The following COL4A2 variants were observed in gnomAD, a reference collection of about 807,000 sequenced individuals.
COL4A2 encodes the protein collagen alpha-2(IV) chain.
A neutral mutation model predicts 200.2 loss-of-function variants in COL4A2; 99 were observed. That is an observed-to-expected ratio of 0.49 (90% CI 0.42 to 0.58). The LOEUF (loss-of-function observed/expected upper bound fraction) is 0.58, where lower values mean the gene tolerates loss of function less well. Among genes scored for constraint, COL4A2 ranks in the 20% least tolerant of loss-of-function variants. The pLI is 0.00. For missense variants in COL4A2, 1,950 were observed against 2,314.1 expected (o/e 0.84, Z 3.23); for synonymous variants, 897 against 900.6 (o/e 1.00, Z 0.07).
chr13:110,466,019 GA>G lies in COL4A2; in HGVS notation c.1999del (p.Arg667GlyfsTer16). 6.2e-7 allele frequency: 1 copy of G among 1,613,882 alleles called. No individual in the cohort carries two copies. The highest frequency in any genetic ancestry group is 8.5e-7 in the Non-Finnish European group (1 of 1,179,800). Reference protein sequence around the residue: ...PGQIDCDTDVKRAVGGDRQEA... With the variant: ...PGQIDCDTDVXRAVGGDRQEA... ...TCCCCCCAGATTGTGACACAGATGT[GA>G]AAAGGGCCGTTGGAGGTGACAGACA... is the stretch of plus-strand genomic sequence containing the variant. On this transcript the variant is annotated frameshift_variant, in exon 26 of 48. Coordinates refer to ENST00000360467, the MANE Select transcript of COL4A2 (RefSeq NM_001846.4). LOFTEE classifies it high-confidence loss of function.
At chr13:110,449,038 C>T (rs888406694) in intron 18 of COL4A2, among the ~76,000 whole-genome samples, 2 of 137,816 alleles carry the variant, frequency 1.5e-5, no homozygotes, top group Non-Finnish European at 3.2e-5. Context: ...CGTGGGACTT[C>T]AGTGTGACGC....
chr13:110,374,533 C>A (rs184591226), intron 4 of COL4A2, among the ~76,000 whole-genome samples: 1 of 152,194 alleles, frequency 6.6e-6, no homozygotes, highest in African/African-American at 2.4e-5. Flanking sequence ...AATTAAATAT[C>A]CATCCTTTTC....
intron 20 of COL4A2, chr13:110,456,754 G>A: frequency 2.1e-6 from 1 of 474,950 alleles, no homozygotes; most frequent in Non-Finnish European, 4.4e-6. Flanking sequence ...GGGACCCTGG[G>A]CATCCTTGAT....
chr13:110,462,310 C>T lies in COL4A2; in HGVS notation c.1702C>T (p.Pro568Ser). Residue 568 changes from proline to serine, a missense_variant, in exon 24 of 48, where the codon CCC becomes TCC. Around this residue, in one of 2 missense-constraint regions of COL4A2, gnomAD observed 1,385 missense variants for 1,720.5 expected, o/e 0.80. Coordinates refer to ENST00000360467, the MANE Select transcript of COL4A2 (RefSeq NM_001846.4). ...GGGACAGCCCGGCGTCCCAGGTGTG[C>T]CCGGGATGAAAGGTGACGATGGCAG... ...ERGQPGVPGVPGMKGDDGSPG... is the reference protein window; with the variant it reads ...ERGQPGVPGVSGMKGDDGSPG... 1 of 1,614,220 alleles carries T rather than the reference C, an allele frequency of 6.2e-7. No homozygotes were observed. The highest frequency in any genetic ancestry group is 8.5e-7 in the Non-Finnish European group (1 of 1,180,050).
At chr13:110,489,592 G>T in intron 35 of COL4A2, 84 bp downstream of exon 35, 2 of 1,585,428 alleles carry the variant, frequency 1.3e-6, no homozygotes, top group Non-Finnish European at 1.7e-6. Flanking sequence ...ACCTGCAAGT[G>T]CTGTTAGGTA....
intron 20 of COL4A2, 65 bp from the exon 21 acceptor site, chr13:110,457,278 T>C: frequency 1.3e-6 from 1 of 793,102 alleles, no homozygotes; most frequent in Non-Finnish European, 2.2e-6. Flanking sequence ...GCTGATGCCC[T>C]GCGTCTGCGT....
chr13:110,507,101 A>G (rs1219722221), intron 46 of COL4A2, among the ~76,000 whole-genome samples: 1 of 152,236 alleles, frequency 6.6e-6, no homozygotes, highest in Non-Finnish European at 1.5e-5. Flanking sequence ...AGAAAATGCA[A>G]TACACACAAA....
intron 4 of COL4A2, among the ~76,000 whole-genome samples, chr13:110,361,994 G>C (rs2139392921): frequency 6.6e-6 from 1 of 152,310 alleles, no homozygotes; most frequent in East Asian, 1.9e-4. Flanking sequence ...TCAAGTCTGG[G>C]GACTTAGACA....
intron 4 of COL4A2, among the ~76,000 whole-genome samples, chr13:110,360,594 T>C (rs1057217669): frequency 6.6e-6 from 1 of 152,140 alleles, no homozygotes; most frequent in Admixed American, 6.5e-5. Context: ...ACACCTTGAG[T>C]CTCTTTCTAT....
intron 4 of COL4A2, among the ~76,000 whole-genome samples, chr13:110,422,096 G>A (rs996132886): frequency 3.3e-5 from 5 of 152,142 alleles, no homozygotes; most frequent in Admixed American, 6.5e-5. Flanking sequence ...GCAATAAAGC[G>A]ACAGTCCTGA....
rs1248354001 is a variant in COL4A2, at chr13:110,308,095, T to TG, written c.75dup (p.Phe26ValfsTer14). The TG allele has an allele frequency of 1.2e-6, 2 of 1,613,782 alleles. No homozygotes were observed. The highest frequency in any genetic ancestry group is 1.7e-5 in the Admixed American group (1 of 60,026). On this transcript the variant is annotated frameshift_variant, in exon 3 of 48. Transcript: ENST00000360467. LOFTEE classifies it high-confidence loss of function. ...TGGCTGCTGCTGGGGACAGTGACCGTGGGGTTCCTCGCCCAGAGCGTCTTG... is the reference window on the plus strand; with the variant it reads ...TGGCTGCTGCTGGGGACAGTGACCGTGGGGGTTCCTCGCCCAGAGCGTCTTG...
In COL4A2 at chr13:110,369,070, C is replaced by T. The variant is rs989653093; in HGVS notation, c.180+11518C>T. On this transcript the variant is annotated intron_variant, in intron 4 of 47. Coordinates refer to ENST00000360467, the MANE Select transcript of COL4A2 (RefSeq NM_001846.4). ...AAAAATACAAAACAATTTAGCTGGG[C>T]GTGGTGGCACGCCACCTGTAGTCCC... Among the ~76,000 whole-genome samples, 10 of 152,212 alleles carry T rather than the reference C, an allele frequency of 6.6e-5. 1 individual carries two copies. The highest frequency in any genetic ancestry group is 3.9e-4 in the Admixed American group (6 of 15,294).
chr13:110,331,546 C>G (rs558046615), intron 3 of COL4A2, among the ~76,000 whole-genome samples: 1 of 152,158 alleles, frequency 6.6e-6, no homozygotes, highest in Non-Finnish European at 1.5e-5. Flanking sequence ...GAGGTGCACC[C>G]ACAGCCCATG....
At chr13:110,465,685 A>G (rs912776633) in intron 25 of COL4A2, 79 bp downstream of exon 25, 47 of 1,284,124 alleles carry the variant, frequency 3.7e-5, no homozygotes, top group Non-Finnish European at 4.9e-5. Flanking sequence ...GACGTTTCCC[A>G]GTAGAGTCAG....
chr13:110,443,147 A>T (rs141959600), intron 16 of COL4A2, among the ~76,000 whole-genome samples: 7 of 152,198 alleles, frequency 4.6e-5, no homozygotes, highest in African/African-American at 1.7e-4. Context: ...TGGAACTCTC[A>T]CTGTCTTTAG....
chr13:110,451,363 T>A (rs1881532967), intron 20 of COL4A2, among the ~76,000 whole-genome samples: 1 of 152,256 alleles, frequency 6.6e-6, no homozygotes, highest in African/African-American at 2.4e-5. Context: ...TTTACAATTT[T>A]TTGTAGCTAA....
At position 110,509,245 on chromosome 13, in the gene COL4A2, T is replaced by TCA. The variant is rs1555334028; in HGVS notation, c.4881+1024_4881+1025insCA. On this transcript the variant is annotated intron_variant, in intron 47 of 47. Coordinates refer to ENST00000360467, the MANE Select transcript of COL4A2 (RefSeq NM_001846.4). ...CCCAGCATGTTAAATATTTCATAAATTATATATATATATATATATATATAT... is the reference window on the plus strand; with the variant it reads ...CCCAGCATGTTAAATATTTCATAAATCATATATATATATATATATATATATAT... Among the ~76,000 whole-genome samples the TCA allele has an allele frequency of 1.1e-4, 8 of 72,004 alleles. No individual in the cohort carries two copies. The South Asian group carries it at 5.9e-3, about 53-fold the overall frequency. The allele number at this position is 72,004 out of a possible 152,430, so 47.2% of individuals were successfully genotyped here.
At chr13:110,487,461 G>A (rs1883154153) in intron 34 of COL4A2, among the ~76,000 whole-genome samples, 1 of 152,000 alleles carries the variant, frequency 6.6e-6, no homozygotes, top group Non-Finnish European at 1.5e-5. Context: ...TCAAAAAAAA[G>A]ACAAGAAAAA....
intron 4 of COL4A2, among the ~76,000 whole-genome samples, chr13:110,400,694 G>T (rs1406170239): frequency 6.6e-6 from 1 of 152,150 alleles, no homozygotes; most frequent in African/African-American, 2.4e-5. Flanking sequence ...TAAAAAAGTT[G>T]TAATTCCACT....
Sources: allele counts gnomAD v4.1 joint callset (sites outside exome capture counted in the v4.1 genomes callset), GRCh38; gene constraint gnomAD v4.1.1; regional missense constraint gnomAD v4.1.1; transcripts MANE v1.5; gene names NCBI Gene and HGNC (gene_info 2026-07-23, HGNC 2026-07-21).